The following DAPK1 variants were observed in gnomAD, a reference collection of about 807,000 sequenced individuals.
DAPK1 encodes death associated protein kinase 1, also known as death-associated protein kinase 1.
Under a neutral mutation model 144.9 loss-of-function variants are expected in DAPK1, and 56 were observed. The ratio of observed to expected loss-of-function variants is 0.39; its 90% CI spans 0.31 to 0.48. The LOEUF (loss-of-function observed/expected upper bound fraction) is 0.48. DAPK1 is among the 20% of genes least tolerant of loss of function. The pLI, the probability that DAPK1 is intolerant of heterozygous loss-of-function variation, is 0.95. For missense variants in DAPK1, 1,454 were observed against 1,875.4 expected (o/e 0.78, Z 4.15); for synonymous variants, 690 against 749.0 (o/e 0.92, Z 1.29).
rs561702844 is a variant in DAPK1, at chr9:87,677,334, G to A, written c.2002-4070G>A. ...AGCAAGTCAGCCTGCAGGTTCAGTC[G>A]CTTCTAGAAGCCTCTCACAGGGGCA... On this transcript the variant is annotated intron_variant, in intron 19 of 25. Transcript: ENST00000408954. 3.3e-5 allele frequency among the ~76,000 whole-genome samples: 5 copies of A among 152,296 alleles called. No individual in the cohort carries two copies. In the East Asian group the frequency reaches 5.8e-4, roughly 18 times the overall value.
chr9:87,708,166 A>ACGG lies in DAPK1; in HGVS notation c.*804_*805insGCG. The ACGG allele has an allele frequency of 8.0e-6, 2 of 250,284 alleles. No homozygotes were observed. The highest frequency in any genetic ancestry group is 4.9e-5 in the South Asian group (1 of 20,412). The allele number at this position is 250,284 out of a possible 1,614,324, so 15.5% of individuals were successfully genotyped here. On this transcript the variant is annotated 3_prime_UTR_variant, in exon 26 of 26. Transcript: ENST00000408954. ...TGCTTTTGTTCCAATGTCAATGTGA[A>ACGG]CGTCCACATGAAACCTACACACTGT...
At chr9:87,611,353 G>T (rs1039218686) in intron 3 of DAPK1, among the ~76,000 whole-genome samples, 1 of 152,160 alleles carries the variant, frequency 6.6e-6, no homozygotes, top group African/African-American at 2.4e-5. Context: ...GTGTCCCTAT[G>T]TTACCCAGGC....
At chr9:87,622,403 G>T (rs1378795855) in intron 3 of DAPK1, among the ~76,000 whole-genome samples, 1 of 151,996 alleles carries the variant, frequency 6.6e-6, no homozygotes, top group Non-Finnish European at 1.5e-5. Flanking sequence ...AGCACTAAAG[G>T]TTGTCTTCTC....
chr9:87,514,861 A>G (rs1456346089), intron 2 of DAPK1, among the ~76,000 whole-genome samples: 1 of 152,228 alleles, frequency 6.6e-6, no homozygotes, highest in African/African-American at 2.4e-5. Context: ...ATTAAGAAGA[A>G]AATACAGCTT....
At chr9:87,508,494 C>T (rs1272448562) in intron 2 of DAPK1, among the ~76,000 whole-genome samples, 1 of 152,078 alleles carries the variant, frequency 6.6e-6, no homozygotes. Flanking sequence ...AGGTGCCCGC[C>T]ACCACACCTG....
chr9:87,642,543 AG>A (rs776154135), intron 10 of DAPK1, among the ~76,000 whole-genome samples: 1 of 152,102 alleles, frequency 6.6e-6, no homozygotes, highest in Non-Finnish European at 1.5e-5. Flanking sequence ...TGGCCTCCAC[AG>A]GGGCTGGGTA....
chr9:87,707,016 C>T lies in DAPK1; in HGVS notation c.3945C>T (p.Arg1315=), dbSNP rs1304404583. Reference sequence around the variant, plus strand: ...TCCTCACTCGGAGGAAACTGAGTCGCCTGCTGGACCCGCCCGACCCCCTGG... The same window carrying T: ...TCCTCACTCGGAGGAAACTGAGTCGTCTGCTGGACCCGCCCGACCCCCTGG... ...LNLLTRRKLS[R]LLDPPDPLGK... is the part of the protein sequence containing the mutation. The change falls in exon 26 of 26, where the codon CGC becomes CGT. Residue 1315 remains arginine, a synonymous_variant. Coordinates refer to ENST00000408954, the MANE Select transcript of DAPK1 (RefSeq NM_004938.4). This position sits in a 1 kb window ranked among gnomAD's most constrained non-coding sequence, Gnocchi z 4.0. 6.2e-7 allele frequency: 1 copy of T among 1,613,620 alleles called. No homozygotes were observed. The highest frequency in any genetic ancestry group is 8.5e-7 in the Non-Finnish European group (1 of 1,179,920).
At chr9:87,535,530 A>C (rs1263213691) in intron 2 of DAPK1, among the ~76,000 whole-genome samples, 2 of 152,188 alleles carry the variant, frequency 1.3e-5, no homozygotes, top group African/African-American at 4.8e-5. Context: ...TTTGATATCA[A>C]ATATATAATG....
intron 2 of DAPK1, among the ~76,000 whole-genome samples, chr9:87,584,977 G>A (rs556214707): frequency 3.3e-5 from 5 of 152,194 alleles, no homozygotes; most frequent in African/African-American, 9.6e-5. Context: ...GCGTCCAGCC[G>A]TATATCCTCT....
chr9:87,662,580 T>TTTTTTG (rs1411051442), intron 18 of DAPK1, among the ~76,000 whole-genome samples: 2 of 143,524 alleles, frequency 1.4e-5, no homozygotes, highest in African/African-American at 2.6e-5. Context: ...TTTTTTTTTT[T>TTTTTTG]TTTTTGGTAG....
intron 2 of DAPK1, among the ~76,000 whole-genome samples, chr9:87,557,131 C>T (rs1240537598): frequency 6.6e-6 from 1 of 152,196 alleles, no homozygotes; most frequent in East Asian, 1.9e-4. Flanking sequence ...TCAACATCCT[C>T]GAAGCTCAGT....
chr9:87,647,187 G>A (rs150315430), intron 13 of DAPK1, 118 bp from the exon 14 acceptor site: 15 of 796,896 alleles, frequency 1.9e-5, no homozygotes, highest in Non-Finnish European at 2.9e-5. Flanking sequence ...CCTCTGGGAA[G>A]TTGCTCCTCT....
chr9:87,706,351 G>T lies in DAPK1; in HGVS notation c.3280G>T (p.Asp1094Tyr). 1 of 1,608,238 alleles carries T rather than the reference G, an allele frequency of 6.2e-7. No homozygotes were observed. Among genetic ancestry groups the T allele is most frequent in the South Asian group, 1.1e-5 (1 of 90,164 alleles). The change falls in exon 26 of 26, where the codon GAC becomes TAC. Residue 1094 changes from aspartate (D) to tyrosine (Y), a missense_variant. Asp to Tyr is a radical substitution (Grantham distance 160). This residue lies in a region of DAPK1 where 1,025 missense variants were observed against 1,237.9 expected (regional missense o/e 0.83). Coordinates refer to ENST00000408954, the MANE Select transcript of DAPK1 (RefSeq NM_004938.4). The surrounding 1 kb of genome is among the most constrained non-coding windows in gnomAD (Gnocchi z 9.0). ...CGATGCCATGGACATCTGCGCCCGG[G>T]ACCTGAGCAGCGGGACCATGGTGGA... ...ILDAMDICARDLSSGTMVDVP... is the reference protein window; with the variant it reads ...ILDAMDICARYLSSGTMVDVP...
chr9:87,499,256 T>TG, intron 2 of DAPK1, 117 bp downstream of exon 2: 1 of 918,076 alleles, frequency 1.1e-6, no homozygotes, highest in Non-Finnish European at 1.7e-6. Context: ...TTTCTGGAGA[T>TG]GCGCAAATCA....
At chr9:87,525,423 G>A (rs1297771681) in intron 2 of DAPK1, 14 of 1,610,640 alleles carry the variant, frequency 8.7e-6, no homozygotes, top group African/African-American at 1.3e-5. Flanking sequence ...AATATGTGCC[G>A]CCAGTGTTTC....
chr9:87,631,982 A>G, intron 3 of DAPK1: 1 of 696,790 alleles, frequency 1.4e-6, no homozygotes, highest in Non-Finnish European at 1.8e-6. Flanking sequence ...ATATGTAGAA[A>G]TAAAGGAAGA....
chr9:87,680,200 G>C (rs1430672915), intron 19 of DAPK1, among the ~76,000 whole-genome samples: 1 of 152,144 alleles, frequency 6.6e-6, no homozygotes, highest in African/African-American at 2.4e-5. Flanking sequence ...CACCTCCGAG[G>C]TTCACACCAT....
chr9:87,504,649 A>C (rs1193859871), intron 2 of DAPK1, among the ~76,000 whole-genome samples: 1 of 152,208 alleles, frequency 6.6e-6, no homozygotes, highest in Non-Finnish European at 1.5e-5. Flanking sequence ...ATGGATGTCC[A>C]GATAAATTCC....
At chr9:87,685,573 T>C (rs561385215) in intron 20 of DAPK1, among the ~76,000 whole-genome samples, 41 of 152,312 alleles carry the variant, frequency 2.7e-4, no homozygotes, top group African/African-American at 9.4e-4. Flanking sequence ...GAAAGGCAGC[T>C]TCTGCCTGCA....
Sources: gnomAD v4.1 joint callset for allele counts (sites outside exome capture counted in the v4.1 genomes callset) on GRCh38, gnomAD v4.1.1 for gene constraint, gnomAD v4.1.1 regional missense constraint, Gnocchi (gnomAD v3.1) non-coding constraint, MANE v1.5 for transcripts, NCBI Gene and HGNC (gene_info 2026-07-23, HGNC 2026-07-21) for gene names.